The following SUSD1 variants were observed in gnomAD, a reference collection of about 807,000 sequenced individuals.
SUSD1 encodes the protein sushi domain-containing protein 1.
SUSD1 carries 65 observed loss-of-function variants against 86.9 expected under a neutral mutation model. The observed-to-expected ratio is 0.75, with a 90% CI of 0.61 to 0.92. The LOEUF is 0.92. SUSD1 is among the 40% of genes least tolerant of loss of function. The pLI is 0.00. For synonymous variants in SUSD1, 346 were observed against 350.0 expected (o/e 0.99, Z 0.13); for missense variants, 850 against 929.7 (o/e 0.91, Z 1.11).
At chr9:112,105,984 A>G (rs1830822592) in intron 8 of SUSD1, among the ~76,000 whole-genome samples, 1 of 152,036 alleles carries the variant, frequency 6.6e-6, no homozygotes, top group East Asian at 1.9e-4. Flanking sequence ...CTTACATCGA[A>G]TTTTTTATAT....
chr9:112,137,496 G>A (rs748523604), intron 5 of SUSD1, among the ~76,000 whole-genome samples: 7 of 152,080 alleles, frequency 4.6e-5, no homozygotes, highest in Non-Finnish European at 5.9e-5. Context: ...TCCTTAGAGC[G>A]TTCTTTGATA....
intron 12 of SUSD1, among the ~76,000 whole-genome samples, chr9:112,077,965 A>T (rs914725334): frequency 2.0e-5 from 3 of 152,132 alleles, no homozygotes; most frequent in Non-Finnish European, 4.4e-5. Flanking sequence ...CCCACATTTC[A>T]TCAATGCTGA....
At chr9:112,124,181 T>TG in intron 6 of SUSD1, 76 bp downstream of exon 6, 3 of 1,427,464 alleles carry the variant, frequency 2.1e-6, no homozygotes, top group South Asian at 2.8e-5. Flanking sequence ...GAAGCAGCAA[T>TG]CAGATAGTTT....
intron 12 of SUSD1, among the ~76,000 whole-genome samples, chr9:112,073,989 G>T (rs1291496392): frequency 6.6e-6 from 1 of 152,100 alleles, no homozygotes; most frequent in African/African-American, 2.4e-5. Context: ...GGCCGAAGTG[G>T]GCGGATCACT....
chr9:112,175,212 C>G lies in SUSD1; in HGVS notation c.24G>C (p.Ala8=), dbSNP rs958605720. 2.6e-6 allele frequency: 3 copies of G among 1,160,398 alleles called. No individual in the cohort carries two copies. The highest frequency in any genetic ancestry group is 3.3e-5 in the African/African-American group (2 of 61,056). 71.9% of individuals were successfully genotyped at this position (1,160,398 alleles called of 1,614,324 possible). A position where few individuals can be genotyped will look rare whatever the true frequency, so the allele number is the denominator to read the frequency against. ...GCGGCAGCAGGCGGCGAGACGGGCC[C>G]GCATCCCAGGGCCCCCGGCCCATGC... is the stretch of plus-strand genomic sequence containing the variant. MGRGPWD[A]GPSRRLLPLL... The change falls in exon 1 of 17, where the codon GCG becomes GCC. Residue 8 remains alanine, a synonymous_variant. Coordinates refer to ENST00000374270, the MANE Select transcript of SUSD1 (RefSeq NM_022486.5). This position sits in a 1 kb window ranked among gnomAD's most constrained non-coding sequence, Gnocchi z 4.7.
intron 10 of SUSD1, among the ~76,000 whole-genome samples, chr9:112,095,592 G>T (rs930963056): frequency 3.3e-5 from 5 of 152,186 alleles, no homozygotes; most frequent in African/African-American, 1.2e-4. Flanking sequence ...GCAGCTCACA[G>T]ATCAGCTGAG....
At chr9:112,133,549 C>T (rs558810805) in intron 5 of SUSD1, among the ~76,000 whole-genome samples, 62 of 152,218 alleles carry the variant, frequency 4.1e-4, no homozygotes, top group African/African-American at 1.3e-3. Context: ...TGCCATTTAC[C>T]GTACATAAAA....
At chr9:112,093,074 T>C (rs1009168067) in intron 10 of SUSD1, among the ~76,000 whole-genome samples, 1 of 152,196 alleles carries the variant, frequency 6.6e-6, no homozygotes, top group South Asian at 2.1e-4. Flanking sequence ...AGAACTATAA[T>C]GGACCTTTCC....
chr9:112,067,321 G>A (rs778243539), intron 12 of SUSD1, among the ~76,000 whole-genome samples: 2 of 152,258 alleles, frequency 1.3e-5, no homozygotes, highest in Non-Finnish European at 2.9e-5. Flanking sequence ...CAACGGGCCT[G>A]TGGTGACACC....
chr9:112,145,274 T>A (rs1832759374), intron 3 of SUSD1, among the ~76,000 whole-genome samples: 1 of 123,400 alleles, frequency 8.1e-6, no homozygotes, highest in Non-Finnish European at 1.8e-5. Context: ...AATACCATAA[T>A]TTCCTTTTTT....
At chr9:112,133,857 A>C (rs563320248) in intron 5 of SUSD1, among the ~76,000 whole-genome samples, 6 of 152,228 alleles carry the variant, frequency 3.9e-5, no homozygotes, top group Admixed American at 1.3e-4. Context: ...AAGGAACTTA[A>C]ACAATTCAAC....
chr9:112,090,555 CA>C (rs139940439), intron 10 of SUSD1, among the ~76,000 whole-genome samples: 16,852 of 151,158 alleles, frequency 0.11, 1,251 homozygotes, highest in Non-Finnish European at 0.16. Context: ...TAAAGAGTGT[CA>C]AAAAAAATAG....
intron 15 of SUSD1, among the ~76,000 whole-genome samples, chr9:112,045,265 T>A (rs946046909): frequency 6.6e-6 from 1 of 152,226 alleles, no homozygotes; most frequent in Non-Finnish European, 1.5e-5. Flanking sequence ...TGACATCAAG[T>A]TTTTTTCTGT....
intron 6 of SUSD1, among the ~76,000 whole-genome samples, chr9:112,122,537 C>CG (rs1468142199): frequency 1.2e-5 from 1 of 84,188 alleles, no homozygotes; most frequent in African/African-American, 6.2e-5. Flanking sequence ...TCAAGTGATC[C>CG]ACTGCCTCAG....
At chr9:112,171,541 G>C (rs115432559) in intron 1 of SUSD1, among the ~76,000 whole-genome samples, 1 of 152,150 alleles carries the variant, frequency 6.6e-6, no homozygotes, top group Non-Finnish European at 1.5e-5. Context: ...AAAGAGAAGC[G>C]GATAGTGGCA....
chr9:112,102,460 A>C (rs1335947806), intron 8 of SUSD1, among the ~76,000 whole-genome samples, 175 bp from the exon 9 acceptor site: 1 of 152,196 alleles, frequency 6.6e-6, no homozygotes, highest in Non-Finnish European at 1.5e-5. Flanking sequence ...CCAGCTTCTC[A>C]ATTGTAATTA....
chr9:112,083,614 GTATAT>G (rs1829858688), intron 10 of SUSD1, among the ~76,000 whole-genome samples: 1 of 152,264 alleles, frequency 6.6e-6, no homozygotes, highest in Non-Finnish European at 1.5e-5. Flanking sequence ...AATTTTAATT[GTATAT>G]TATAAGACAA....
intron 1 of SUSD1, among the ~76,000 whole-genome samples, chr9:112,170,420 C>T (rs1284174222): frequency 6.6e-6 from 1 of 152,018 alleles, no homozygotes. Context: ...GCAACGAATG[C>T]CAGAGAAAGG....
In SUSD1 at chr9:112,041,599, G is replaced by T. The variant is rs556968375; in HGVS notation, c.*-107C>A. 1.2e-4 allele frequency: 87 copies of T among 756,016 alleles called. No homozygotes were observed. In the African/African-American group the frequency reaches 1.2e-3, roughly 10 times the overall value. 46.8% of individuals were successfully genotyped at this position (756,016 alleles called of 1,614,324 possible). On this transcript the variant is annotated intron_variant, in intron 16 of 16. Coordinates refer to ENST00000374270, the MANE Select transcript of SUSD1 (RefSeq NM_022486.5). ...CACGCACACCCATGGGAGGAGGCGA[G>T]GGGGAGCAGCATGGAAGCTCAGCCA... is the stretch of plus-strand genomic sequence containing the variant.
Sources: allele counts gnomAD v4.1 joint callset (sites outside exome capture counted in the v4.1 genomes callset), GRCh38; gene constraint gnomAD v4.1.1; non-coding constraint Gnocchi (gnomAD v3.1); transcripts MANE v1.5; gene names NCBI Gene and HGNC (gene_info 2026-07-23, HGNC 2026-07-21).